The following RASGRP3 variants were observed in gnomAD, a reference collection of about 807,000 sequenced individuals.
RASGRP3 encodes the protein ras guanyl-releasing protein 3.
In RASGRP3, 54 loss-of-function variants were observed where a neutral mutation model predicts 82.7. The ratio of observed to expected loss-of-function variants is 0.65; its 90% CI spans 0.52 to 0.82. The LOEUF (loss-of-function observed/expected upper bound fraction) is 0.82, where lower values mean the gene tolerates loss of function less well. Among genes scored for constraint, RASGRP3 ranks in the 40% least tolerant of loss-of-function variants. RASGRP3 has a pLI of 0.00. For missense variants in RASGRP3, 861 were observed against 828.9 expected (o/e 1.04, Z -0.48); for synonymous variants, 309 against 300.5 (o/e 1.03, Z -0.29).
intron 1 of RASGRP3, chr2:33,482,207 G>A (rs983278971): frequency 6.6e-6 from 1 of 152,060 alleles, no homozygotes; most frequent in Admixed American, 6.6e-5. Flanking sequence ...GTAGAGACAG[G>A]GTTTCACTGT....
intron 14 of RASGRP3, among the ~76,000 whole-genome samples, chr2:33,554,655 A>G (rs2151104264): frequency 6.6e-6 from 1 of 152,032 alleles, no homozygotes; most frequent in Non-Finnish European, 1.5e-5. Context: ...TTGTATTTTT[A>G]GTAGAGACGG....
At chr2:33,453,046 G>A (rs1356856041) in intron 2 of RASGRP3, among the ~76,000 whole-genome samples, 1 of 152,142 alleles carries the variant, frequency 6.6e-6, no homozygotes, top group East Asian at 1.9e-4. Flanking sequence ...TCTGTGCTGT[G>A]CACCCCTTGG....
At chr2:33,502,913 A>T (rs12988472) in intron 1 of RASGRP3, among the ~76,000 whole-genome samples, 31,573 of 152,062 alleles carry the variant, frequency 0.21, 3,971 homozygotes, top group Non-Finnish European at 0.29. Flanking sequence ...TGAGTCCAAA[A>T]TACACATCAG....
intron 2 of RASGRP3, among the ~76,000 whole-genome samples, chr2:33,466,935 G>T (rs960792335): frequency 6.6e-6 from 1 of 152,106 alleles, no homozygotes; most frequent in African/African-American, 2.4e-5. Context: ...CTGCTCACTC[G>T]TTGTGGGCAG....
At chr2:33,477,159 G>A (rs1667451847) in intron 1 of RASGRP3, among the ~76,000 whole-genome samples, 1 of 152,162 alleles carries the variant, frequency 6.6e-6, no homozygotes, top group African/African-American at 2.4e-5. Flanking sequence ...AGTAACTTGT[G>A]AATTTATTGT....
chr2:33,519,621 T>C (rs17013204), intron 4 of RASGRP3, among the ~76,000 whole-genome samples: 1 of 152,148 alleles, frequency 6.6e-6, no homozygotes, highest in African/African-American at 2.4e-5. Context: ...CAATGTAGTG[T>C]TTCTCTGTAC....
At chr2:33,457,529 A>G (rs1666104157) in intron 2 of RASGRP3, among the ~76,000 whole-genome samples, 1 of 152,134 alleles carries the variant, frequency 6.6e-6, no homozygotes, top group East Asian at 1.9e-4. Flanking sequence ...ATGCATTAAG[A>G]TTGTTTTGAT....
chr2:33,505,697 C>A (rs548969028), intron 1 of RASGRP3, among the ~76,000 whole-genome samples: 1 of 152,168 alleles, frequency 6.6e-6, no homozygotes, highest in African/African-American at 2.4e-5. Context: ...TTCTGAGGCT[C>A]AAGTTTCCTA....
rs573200621 is a variant in RASGRP3 at position 33,470,535 on chromosome 2, A to G, written c.-261+22592A>G. The stretch of plus-strand genomic sequence containing the variant: ...GCTGGGACTACAGGCGCCCGCCACC[A>G]TGCCCGGCTAATTTTTTGTATTTTT... On this transcript the variant is annotated intron_variant, in intron 2 of 18. Transcript: ENST00000402538. Among the ~76,000 whole-genome samples the G allele has an allele frequency of 4.6e-3, 695 of 152,054 alleles. 4 individuals are homozygous for G. Among genetic ancestry groups the G allele is most frequent in the African/African-American group, 0.016 (661 of 41,504 alleles).
chr2:33,505,788 C>A (rs1281893808), intron 1 of RASGRP3, among the ~76,000 whole-genome samples: 1 of 152,156 alleles, frequency 6.6e-6, no homozygotes, highest in Middle Eastern at 3.2e-3. Flanking sequence ...TTCAATGTGG[C>A]TGAATGTGTC....
At chr2:33,446,951 G>A (rs1462996289) in intron 1 of RASGRP3, among the ~76,000 whole-genome samples, 6 of 151,976 alleles carry the variant, frequency 3.9e-5, no homozygotes, top group Admixed American at 2.6e-4. Flanking sequence ...AAACCATCCT[G>A]GCTAACGCGG....
chr2:33,549,693 A>T lies in RASGRP3; in HGVS notation c.1484A>T (p.His495Leu). Residue 495 changes from histidine (H) to leucine (L), a missense_variant, in exon 14 of 18, where the codon CAT (histidine) becomes CTT (leucine). Transcript: ENST00000403687. ...TGTAAAATGGGACCAGGATTTATCC[A>T]TAATTTTCAGGAGATGACCTATCTC... ...LHCKMGPGFI[H>L]NFQEMTYLKP... 1 of 1,613,996 alleles carries T rather than the reference A, an allele frequency of 6.2e-7. No homozygotes were observed. Among genetic ancestry groups the T allele is most frequent in the Non-Finnish European group, 8.5e-7 (1 of 1,179,852 alleles).
chr2:33,522,684 C>T (rs1672151687), intron 7 of RASGRP3, among the ~76,000 whole-genome samples: 1 of 152,176 alleles, frequency 6.6e-6, no homozygotes, highest in South Asian at 2.1e-4. Flanking sequence ...CTCTCTCCTC[C>T]CGTTATGGTA....
intron 2 of RASGRP3, among the ~76,000 whole-genome samples, chr2:33,461,655 A>G (rs1335706276): frequency 6.6e-6 from 1 of 152,252 alleles, no homozygotes; most frequent in Non-Finnish European, 1.5e-5. Context: ...GAAATCTTGT[A>G]GCAATAATGT....
At position 33,563,581 on chromosome 2, in the gene RASGRP3, G is replaced by A. The variant is rs1356327272; in HGVS notation, c.*844G>A. 1 of 139,206 alleles carries A rather than the reference G, an allele frequency of 7.2e-6. No individual in the cohort carries two copies. The highest frequency in any genetic ancestry group is 2.4e-5 in the African/African-American group (1 of 40,822). 8.6% of individuals were successfully genotyped at this position (139,206 alleles called of 1,614,324 possible). A position where few individuals can be genotyped will look rare whatever the true frequency, so the allele number is the denominator to read the frequency against. ...AATAGCAATTAAGAAATTAATTCAA[G>A]TTTTGACGGTTAACATTTAGCAGAA... On this transcript the variant is annotated 3_prime_UTR_variant, in exon 18 of 18. Coordinates refer to ENST00000403687, the MANE Select transcript of RASGRP3 (RefSeq NM_001139488.2).
At position 33,519,978 on chromosome 2, in the gene RASGRP3, G is replaced by A. The variant is rs1395457474; in HGVS notation, c.200G>A (p.Cys67Tyr). Reference protein sequence around the residue: ...CMYRNATGESCNEFRLKICYF... With the variant: ...CMYRNATGESYNEFRLKICYF... ...TATCGAAATGCCACTGGAGAAAGCT[G>A]CAATGAATTTCGATTAAAGATCTGC... Residue 67 changes from cysteine to tyrosine, a missense_variant, in exon 5 of 18, where the codon TGC becomes TAC. Coordinates refer to ENST00000403687, the MANE Select transcript of RASGRP3 (RefSeq NM_001139488.2). 6.2e-7 allele frequency: 1 copy of A among 1,610,378 alleles called. No individual in the cohort carries two copies.
intron 1 of RASGRP3, among the ~76,000 whole-genome samples, chr2:33,487,658 C>T (rs1668513255): frequency 6.6e-6 from 1 of 152,178 alleles, no homozygotes; most frequent in African/African-American, 2.4e-5. Flanking sequence ...ACCTGTAGTC[C>T]TAGCTACTTG....
At chr2:33,552,799 C>G (rs950599837) in intron 14 of RASGRP3, among the ~76,000 whole-genome samples, 1 of 152,152 alleles carries the variant, frequency 6.6e-6, no homozygotes, top group Admixed American at 6.5e-5. Flanking sequence ...TGACTTCCCC[C>G]AAGGTCACAC....
chr2:33,483,719 C>A (rs1351920119), intron 1 of RASGRP3, among the ~76,000 whole-genome samples: 2 of 152,032 alleles, frequency 1.3e-5, no homozygotes, highest in African/African-American at 2.4e-5. Flanking sequence ...GAATTCCTGA[C>A]CTTAAGTGAT....
Sources: allele counts gnomAD v4.1 joint callset (sites outside exome capture counted in the v4.1 genomes callset), GRCh38; gene constraint gnomAD v4.1.1; transcripts MANE v1.5; gene names NCBI Gene and HGNC (gene_info 2026-07-23, HGNC 2026-07-21).